PPFIBP2: variants seen among roughly 807,000 people sequenced by gnomAD.
PPFIBP2 encodes liprin-beta-2.
In PPFIBP2, 118 loss-of-function variants were observed where a neutral mutation model predicts 118.3. That is an observed-to-expected ratio of 1.00 (90% CI 0.86 to 1.16). The LOEUF is 1.16. Ranked by LOEUF, PPFIBP2 falls within the 50% of genes most tolerant of loss-of-function variation. The pLI, the probability that PPFIBP2 is intolerant of heterozygous loss-of-function variation, is 0.00. For missense variants in PPFIBP2, 1,195 were observed against 1,073.1 expected, an observed-to-expected ratio of 1.11 and a Z score of -1.59; for synonymous variants, 414 against 397.4, an observed-to-expected ratio of 1.04 and a Z score of -0.50.
At chr11:7,594,932 A>AG (rs1408087006) in intron 4 of PPFIBP2, among the ~76,000 whole-genome samples, 13 of 151,650 alleles carry the variant, frequency 8.6e-5, no homozygotes, top group East Asian at 5.8e-4. Context: ...AAAAAAAAAA[A>AG]AAAAAGAAAA....
At position 7,641,529 on chromosome 11, in the gene PPFIBP2, T is replaced by G; in HGVS notation, c.1426T>G (p.Ser476Ala). Residue 476 changes from serine to alanine, a missense_variant, in exon 16 of 24, where the codon TCC becomes GCC. Transcript: ENST00000299492. ...DDTAVVNDLS[S>A]TSSGTESGPQ... ...CACTGCTGTGGTCAATGACCTCTCA[T>G]CCACATCATCGGGCACTGAATCAGG... is the stretch of plus-strand genomic sequence containing the variant. 1 of 1,613,702 alleles carries G rather than the reference T, an allele frequency of 6.2e-7. No homozygotes were observed. Among genetic ancestry groups the G allele is most frequent in the South Asian group, 1.1e-5 (1 of 91,074 alleles).
intron 5 of PPFIBP2, among the ~76,000 whole-genome samples, chr11:7,607,297 T>C: frequency 7.0e-6 from 1 of 142,858 alleles, no homozygotes; most frequent in African/African-American, 2.6e-5. Context: ...AGCCTCAACC[T>C]CCCAGGTTCA....
intron 3 of PPFIBP2, among the ~76,000 whole-genome samples, chr11:7,571,466 G>A (rs940192641): frequency 1.3e-5 from 2 of 152,044 alleles, no homozygotes; most frequent in Admixed American, 1.3e-4. Flanking sequence ...ATTATAAAAT[G>A]TGAGCTTGAA....
chr11:7,601,369 G>C (rs1435961878), intron 5 of PPFIBP2, among the ~76,000 whole-genome samples: 1 of 152,138 alleles, frequency 6.6e-6, no homozygotes, highest in Non-Finnish European at 1.5e-5. Flanking sequence ...GTCCACATGA[G>C]CCCACCTAGA....
At chr11:7,526,037 T>C (rs1850199964) in intron 1 of PPFIBP2, among the ~76,000 whole-genome samples, 1 of 152,190 alleles carries the variant, frequency 6.6e-6, no homozygotes, top group Non-Finnish European at 1.5e-5. Context: ...TACTTTGACA[T>C]AATGTAAGAA....
intron 1 of PPFIBP2, among the ~76,000 whole-genome samples, chr11:7,540,648 A>G (rs1251586021): frequency 6.6e-6 from 1 of 152,200 alleles, no homozygotes; most frequent in Non-Finnish European, 1.5e-5. Context: ...TTTTATCAAT[A>G]AATCTGTAAA....
Position 7,625,771 on chromosome 11 carries a change from T to C in PPFIBP2, c.712-6T>C, listed in dbSNP as rs1849918654. On this transcript the variant is annotated splice_region_variant and splice_polypyrimidine_tract_variant and intron_variant, in intron 7 of 23. Coordinates refer to ENST00000299492, the MANE Select transcript of PPFIBP2 (RefSeq NM_003621.5). ...ACCTGGTAGGGATCCTCTGTTGCTC[T>C]TCCAGGCTGAAGTCGCCCAGCTGCA... 1 of 1,613,750 alleles carries C rather than the reference T, an allele frequency of 6.2e-7. No individual in the cohort carries two copies. Among genetic ancestry groups the C allele is most frequent in the African/African-American group, 1.3e-5 (1 of 74,936 alleles).
chr11:7,620,833 G>C, intron 6 of PPFIBP2, 102 bp from the exon 7 acceptor site: 1 of 788,468 alleles, frequency 1.3e-6, no homozygotes, highest in Non-Finnish European at 2.3e-6. Flanking sequence ...TGTGGAGCTT[G>C]ATGTGGTTGC....
At chr11:7,547,826 C>T (rs1294356629) in intron 1 of PPFIBP2, among the ~76,000 whole-genome samples, 1 of 152,130 alleles carries the variant, frequency 6.6e-6, no homozygotes, top group African/African-American at 2.4e-5. Flanking sequence ...CCTTCCTTGG[C>T]CTTAGCACCT....
chr11:7,627,820 T>C (rs1407138294), intron 8 of PPFIBP2, among the ~76,000 whole-genome samples: 1 of 152,230 alleles, frequency 6.6e-6, no homozygotes, highest in Non-Finnish European at 1.5e-5. Flanking sequence ...ACCAACTCTT[T>C]TACATAATTT....
At chr11:7,660,103 A>G (rs1290941909), downstream of PPFIBP2, among the ~76,000 whole-genome samples, 2 of 125,442 alleles carry the variant, frequency 1.6e-5, no homozygotes, top group Admixed American at 8.3e-5. Context: ...AACAGGGACA[A>G]TTTGACTTCC....
chr11:7,658,110 C>G (rs1854802686), downstream of PPFIBP2, among the ~76,000 whole-genome samples: 1 of 152,170 alleles, frequency 6.6e-6, no homozygotes, highest in Admixed American at 6.5e-5. Context: ...TACAGATGCT[C>G]CAATATTAGT....
chr11:7,648,880 G>A lies in PPFIBP2; in HGVS notation c.1878G>A (p.Lys626=). The A allele has an allele frequency of 1.2e-6, 2 of 1,614,106 alleles. No homozygotes were observed. The highest frequency in any genetic ancestry group is 2.2e-5 in the South Asian group (2 of 91,082). ...VKAINTKQEE[K]SALLDHIWVT... is the part of the protein sequence containing the mutation. The stretch of plus-strand genomic sequence containing the variant: ...CCATCAACACCAAACAGGAGGAGAA[G>A]TCTGCACTGCTAGACCACATTTGGG... The change falls in exon 19 of 24, where the codon AAG becomes AAA. Residue 626 remains lysine (K), a synonymous_variant. Transcript: ENST00000299492.
the PPFIBP2 span, chr11:7,666,546 T>G: frequency 3.1e-6 from 5 of 1,612,412 alleles, no homozygotes; most frequent in Non-Finnish European, 4.2e-6. Flanking sequence ...GATATCCTCC[T>G]CTGTCTAGAA....
chr11:7,663,361 C>T, the PPFIBP2 span, among the ~76,000 whole-genome samples: 1 of 151,448 alleles, frequency 6.6e-6, no homozygotes, highest in African/African-American at 2.4e-5. Context: ...AGTTTTCCTT[C>T]TAACAGACAG....
Position 7,648,519 on chromosome 11 carries a change from C to T in PPFIBP2, c.1779C>T (p.Thr593=), listed in dbSNP as rs369803961. 1.5e-5 allele frequency: 25 copies of T among 1,613,916 alleles called. No homozygotes were observed. Among genetic ancestry groups the T allele is most frequent in the Non-Finnish European group, 1.9e-5 (23 of 1,180,004 alleles). The change falls in exon 18 of 24, where the codon ACC becomes ACT. Residue 593 remains threonine, a synonymous_variant. Coordinates refer to ENST00000299492, the MANE Select transcript of PPFIBP2 (RefSeq NM_003621.5). The part of the protein sequence containing the change: ...VSSGHTLLTA[T]PQDMEKELGI... ...CTGGCCACACCTTATTGACAGCCAC[C>T]CCTCAGGACATGGAAAAGGTAAGGG...
At chr11:7,597,042 A>G in intron 4 of PPFIBP2, 1 of 651,574 alleles carries the variant, frequency 1.5e-6, no homozygotes, top group Non-Finnish European at 2.2e-6. Context: ...AAGTTTTGTC[A>G]GTGCTAATAC....
At chr11:7,628,701 A>G (rs1850351719) in intron 9 of PPFIBP2, among the ~76,000 whole-genome samples, 1 of 152,242 alleles carries the variant, frequency 6.6e-6, no homozygotes, top group South Asian at 2.1e-4. Context: ...ACCTGACAAT[A>G]GAACCATCAT....
chr11:7,542,518 G>A (rs1043452250), intron 1 of PPFIBP2, among the ~76,000 whole-genome samples: 24 of 152,148 alleles, frequency 1.6e-4, no homozygotes, highest in African/African-American at 5.1e-4. Flanking sequence ...TTCCTCAGAT[G>A]CAGCTGCTTA....
Sources: gnomAD v4.1 joint callset for allele counts (sites outside exome capture counted in the v4.1 genomes callset) on GRCh38, gnomAD v4.1.1 for gene constraint, MANE v1.5 for transcripts, NCBI Gene and HGNC (gene_info 2026-07-23, HGNC 2026-07-21) for gene names.